Variants in MTA3 observed in about 807,000 individuals in gnomAD.
MTA3 encodes metastasis-associated protein MTA3.
Under a neutral mutation model 83.5 loss-of-function variants are expected in MTA3, and 34 were observed. That is an observed-to-expected ratio of 0.41 (90% confidence interval 0.31 to 0.54). The LOEUF (loss-of-function observed/expected upper bound fraction) is 0.54. MTA3 is among the 20% of genes least tolerant of loss of function. The pLI, the probability that MTA3 is intolerant of heterozygous loss-of-function variation, is 0.33. For synonymous variants in MTA3, 303 were observed against 252.7 expected (o/e 1.20, Z -1.89); for missense variants, 761 against 726.4 (o/e 1.05, Z -0.55).
intron 14 of MTA3, among the ~76,000 whole-genome samples, chr2:42,713,996 G>A (rs904020529): frequency 6.6e-6 from 1 of 152,098 alleles, no homozygotes; most frequent in Non-Finnish European, 1.5e-5. Context: ...TAGTTTTATT[G>A]CCCGTAGAAA....
chr2:42,577,135 A>ATATATATATATATATATATATATAT (rs1558451263), intron 2 of MTA3, among the ~76,000 whole-genome samples: 1 of 93,996 alleles, frequency 1.1e-5, no homozygotes, highest in African/African-American at 4.7e-5. Context: ...TATATATATA[A>ATATATATATATATATATATATATAT]AAATGAACTC....
intron 2 of MTA3, among the ~76,000 whole-genome samples, chr2:42,563,289 C>T (rs574849945): frequency 1.4e-4 from 21 of 152,314 alleles, no homozygotes; most frequent in African/African-American, 4.8e-4. Context: ...CTGTCTCAGC[C>T]TCCCAAGTAG....
chr2:42,649,890 A>G (rs1688550292), intron 6 of MTA3, among the ~76,000 whole-genome samples: 1 of 152,218 alleles, frequency 6.6e-6, no homozygotes, highest in South Asian at 2.1e-4. Context: ...CCAGGGTTTA[A>G]GGAGATAAAA....
At chr2:42,504,613 T>A (rs1674546229) in intron 2 of MTA3, among the ~76,000 whole-genome samples, 1 of 151,736 alleles carries the variant, frequency 6.6e-6, no homozygotes, top group Admixed American at 6.6e-5. Flanking sequence ...TATGACACCA[T>A]CTCACATCAA....
chr2:42,743,867 C>T (rs1398655889), intron 16 of MTA3, among the ~76,000 whole-genome samples: 2 of 152,160 alleles, frequency 1.3e-5, no homozygotes, highest in Non-Finnish European at 2.9e-5. Flanking sequence ...CCAGGGACAG[C>T]TGATGGCACT....
intron 9 of MTA3, among the ~76,000 whole-genome samples, chr2:42,683,827 C>A (rs1033974129): frequency 6.6e-6 from 1 of 152,158 alleles, no homozygotes; most frequent in Admixed American, 6.5e-5. Flanking sequence ...AAGCTTCGCT[C>A]GCTTGTCCAT....
chr2:42,679,768 C>G (rs1475958993), intron 8 of MTA3, among the ~76,000 whole-genome samples: 3 of 151,952 alleles, frequency 2.0e-5, no homozygotes, highest in Admixed American at 6.6e-5. Context: ...GGCAAAAATA[C>G]AACCAGCACC....
intron 2 of MTA3, among the ~76,000 whole-genome samples, chr2:42,519,035 A>G (rs1265549071): frequency 6.9e-6 from 1 of 145,708 alleles, no homozygotes; most frequent in Non-Finnish European, 1.5e-5. Context: ...ACACACGAAT[A>G]TAGTATGGAA....
At chr2:42,726,917 G>A (rs1460498256) in intron 16 of MTA3, among the ~76,000 whole-genome samples, 1 of 152,196 alleles carries the variant, frequency 6.6e-6, no homozygotes, top group African/African-American at 2.4e-5. Context: ...TACATAGGGG[G>A]AGTGGTGGCT....
At position 42,754,949 on chromosome 2, in the gene MTA3, C is replaced by G. The variant is rs968450154; in HGVS notation, c.*1550C>G. On this transcript the variant is annotated 3_prime_UTR_variant, in exon 17 of 17. Transcript: ENST00000405094. ...AGTTGGTTCTCATCTTAGGCTTCTG[C>G]AAGGGCGAGCATGGGATGTCTCCAC... is the stretch of plus-strand genomic sequence containing the variant. 1 of 985,580 alleles carries G rather than the reference C, an allele frequency of 1.0e-6. No homozygotes were observed. Among genetic ancestry groups the G allele is most frequent in the Non-Finnish European group, 1.2e-6 (1 of 830,092 alleles). The allele number at this position is 985,580 out of a possible 1,614,324, so 61.1% of individuals were successfully genotyped here.
At chr2:42,515,131 T>A (rs779353177) in intron 2 of MTA3, among the ~76,000 whole-genome samples, 2 of 152,136 alleles carry the variant, frequency 1.3e-5, no homozygotes, top group Non-Finnish European at 2.9e-5. Context: ...CGATCTCGGC[T>A]CACTGCCAGC....
intron 16 of MTA3, among the ~76,000 whole-genome samples, chr2:42,741,981 C>T (rs1669071253): frequency 6.6e-6 from 1 of 152,082 alleles, no homozygotes; most frequent in Non-Finnish European, 1.5e-5. Context: ...CTGTAAAGCT[C>T]AACAGAGCAA....
intron 2 of MTA3, among the ~76,000 whole-genome samples, chr2:42,513,738 G>C (rs745767407): frequency 6.6e-6 from 1 of 152,194 alleles, no homozygotes; most frequent in African/African-American, 2.4e-5. Flanking sequence ...CAGTGAGCCG[G>C]GAATGAGGGA....
chr2:42,614,045 A>G (rs1304596154), intron 4 of MTA3: 1 of 152,154 alleles, frequency 6.6e-6, no homozygotes, highest in African/African-American at 2.4e-5. Flanking sequence ...ATATGTATTT[A>G]TTTTACTATA....
intron 4 of MTA3, among the ~76,000 whole-genome samples, chr2:42,633,621 G>A (rs1315999169): frequency 1.3e-5 from 2 of 151,164 alleles, no homozygotes; most frequent in Non-Finnish European, 1.5e-5. Flanking sequence ...GCTGGGCGCG[G>A]TGGCTCATGC....
At position 42,756,849 on chromosome 2, in the gene MTA3, T is replaced by C. The variant is rs1262738994; in HGVS notation, c.*3450T>C. On this transcript the variant is annotated 3_prime_UTR_variant, in exon 17 of 17. Coordinates refer to ENST00000405094, the MANE Select transcript of MTA3 (RefSeq NM_001330442.2). Reference sequence around the variant, plus strand: ...ATGAGTGTTTCCGCAGGATAATTCGTTCTGAGCATGATACCACAGTGTGGA... The same window carrying C: ...ATGAGTGTTTCCGCAGGATAATTCGCTCTGAGCATGATACCACAGTGTGGA... 2 of 985,450 alleles carry C rather than the reference T, an allele frequency of 2.0e-6. No individual in the cohort carries two copies. Among genetic ancestry groups the C allele is most frequent in the Non-Finnish European group, 2.4e-6 (2 of 829,952 alleles). 61.0% of individuals were successfully genotyped at this position (985,450 alleles called of 1,614,324 possible).
intron 11 of MTA3, among the ~76,000 whole-genome samples, chr2:42,700,018 A>T (rs1021819462): frequency 3.9e-5 from 6 of 152,048 alleles, no homozygotes; most frequent in Non-Finnish European, 7.3e-5. Flanking sequence ...AAGCTAAGAG[A>T]GGAGTGTGTT....
intron 12 of MTA3, among the ~76,000 whole-genome samples, chr2:42,704,807 G>A (rs1665922283): frequency 1.3e-5 from 2 of 152,152 alleles, no homozygotes; most frequent in African/African-American, 2.4e-5. Context: ...CTTGCTTTTG[G>A]CCTCAGGATC....
At chr2:42,671,911 G>A (rs1004429596) in intron 8 of MTA3, among the ~76,000 whole-genome samples, 1 of 152,144 alleles carries the variant, frequency 6.6e-6, no homozygotes, top group African/African-American at 2.4e-5. Flanking sequence ...AAGGAAACTT[G>A]CTGTTTGGCT....
Sources: allele counts gnomAD v4.1 joint callset (sites outside exome capture counted in the v4.1 genomes callset), GRCh38; gene constraint gnomAD v4.1.1; transcripts MANE v1.5; gene names NCBI Gene and HGNC (gene_info 2026-07-23, HGNC 2026-07-21).